Variants in LYRM4 observed in about 807,000 individuals in gnomAD.
LYRM4 encodes the protein LYR motif containing 4, also known as LYR motif-containing protein 4.
In LYRM4, 9 loss-of-function variants were observed where a neutral mutation model predicts 11.7. That is an observed-to-expected ratio of 0.77 (90% CI 0.46 to 1.34). The LOEUF (loss-of-function observed/expected upper bound fraction) is 1.34. LYRM4 is among the 40% of genes most tolerant of loss of function. LYRM4 has a pLI of 0.00. For synonymous variants in LYRM4, 42 were observed against 40.4 expected (o/e 1.04, Z -0.15); for missense variants, 133 against 112.5 (o/e 1.18, Z -0.82).
chr6:5,234,412 A>C (rs1763417783), intron 1 of LYRM4, among the ~76,000 whole-genome samples: 2 of 152,238 alleles, frequency 1.3e-5, no homozygotes, highest in African/African-American at 4.8e-5. Flanking sequence ...GATTCAAATC[A>C]AAACAGGACA....
rs546262125 is a variant in LYRM4, at chr6:5,245,319, C to T, written c.86+15329G>A. On this transcript the variant is annotated intron_variant, in intron 1 of 2. Transcript: ENST00000330636. ...TGACTGGGTCTGAACATGGCCGCCCCGGTAGTTCACCCAAATCCCTTTACT... is the reference window on the plus strand; with the variant it reads ...TGACTGGGTCTGAACATGGCCGCCCTGGTAGTTCACCCAAATCCCTTTACT... Among the ~76,000 whole-genome samples, 13 of 151,112 alleles carry T rather than the reference C, an allele frequency of 8.6e-5. No homozygotes were observed. In the South Asian group the frequency reaches 1.9e-3, roughly 22 times the overall value.
chr6:5,119,311 G>A (rs183964700), intron 2 of LYRM4, among the ~76,000 whole-genome samples: 4 of 152,204 alleles, frequency 2.6e-5, no homozygotes, highest in South Asian at 2.1e-4. Context: ...GTGCAAGAGC[G>A]TGCACTCTTC....
intron 1 of LYRM4, among the ~76,000 whole-genome samples, chr6:5,255,847 G>C (rs953478931): frequency 5.3e-5 from 8 of 152,124 alleles, no homozygotes; most frequent in Non-Finnish European, 1.0e-4. Context: ...AACGTCTTCA[G>C]ATATTGTCAA....
At chr6:5,118,742 A>T (rs749721163) in intron 2 of LYRM4, among the ~76,000 whole-genome samples, 1 of 152,154 alleles carries the variant, frequency 6.6e-6, no homozygotes, top group Non-Finnish European at 1.5e-5. Flanking sequence ...GGGACACATG[A>T]ATTTATGTCT....
chr6:5,075,471 A>G, the LYRM4 span, among the ~76,000 whole-genome samples: 1 of 152,160 alleles, frequency 6.6e-6, no homozygotes, highest in East Asian at 1.9e-4. Flanking sequence ...TTCACACTAT[A>G]CTTGGTAGGT....
At chr6:5,086,726 C>G in the LYRM4 span, 4 of 631,078 alleles carry the variant, frequency 6.3e-6, no homozygotes, top group Non-Finnish European at 8.2e-6. Flanking sequence ...ACTCGCACCC[C>G]CGCAGACAAG....
At chr6:5,256,146 T>C (rs1003504487) in intron 1 of LYRM4, among the ~76,000 whole-genome samples, 1 of 151,836 alleles carries the variant, frequency 6.6e-6, no homozygotes, top group African/African-American at 2.4e-5. Flanking sequence ...CTAGGGAACA[T>C]CAGAATTGAA....
chr6:5,117,213 C>T (rs73361338), intron 2 of LYRM4, among the ~76,000 whole-genome samples: 47 of 152,356 alleles, frequency 3.1e-4, no homozygotes, highest in African/African-American at 1.1e-3. Flanking sequence ...CAAGAGCCTG[C>T]TAAGCGTTAC....
chr6:5,253,716 C>T (rs577746716), intron 1 of LYRM4, among the ~76,000 whole-genome samples: 44 of 152,104 alleles, frequency 2.9e-4, no homozygotes, highest in African/African-American at 9.9e-4. Flanking sequence ...GGAAACTGAT[C>T]CTCTTACAAT....
chr6:5,235,174 G>A (rs775870222), intron 1 of LYRM4, among the ~76,000 whole-genome samples: 10 of 151,982 alleles, frequency 6.6e-5, no homozygotes, highest in Non-Finnish European at 1.0e-4. Flanking sequence ...ACGGACTCTC[G>A]TTCTGTTGCC....
intron 2 of LYRM4, among the ~76,000 whole-genome samples, chr6:5,169,457 A>G (rs1581425900): frequency 1.3e-5 from 2 of 152,366 alleles, no homozygotes. Context: ...AATGACGGCC[A>G]AGAGTATAGT....
the LYRM4 span, chr6:5,086,325 G>C: frequency 6.5e-7 from 1 of 1,535,748 alleles, no homozygotes; most frequent in African/African-American, 1.4e-5. Flanking sequence ...CAGAGGCACC[G>C]TCTGGGGCCT....
At chr6:5,083,425 T>C in the LYRM4 span, among the ~76,000 whole-genome samples, 12 of 152,310 alleles carry the variant, frequency 7.9e-5, no homozygotes, top group South Asian at 6.2e-4. Flanking sequence ...AGTCATGGAA[T>C]TCCACACTGG....
At chr6:5,147,991 T>C (rs368345739) in intron 2 of LYRM4, among the ~76,000 whole-genome samples, 17 of 152,106 alleles carry the variant, frequency 1.1e-4, no homozygotes, top group African/African-American at 3.6e-4. Context: ...TCTGTCTTCT[T>C]TCAGTTCCAG....
chr6:5,241,133 T>C (rs34774856), intron 1 of LYRM4, among the ~76,000 whole-genome samples: 1,580 of 152,136 alleles, frequency 0.01, 33 homozygotes, highest in African/African-American at 0.035. Flanking sequence ...GACAGTTAAA[T>C]AAGACAATGC....
At chr6:5,120,449 C>T (rs772593890) in intron 2 of LYRM4, among the ~76,000 whole-genome samples, 4 of 152,118 alleles carry the variant, frequency 2.6e-5, no homozygotes, top group Admixed American at 1.3e-4. Flanking sequence ...CAGACCTTTA[C>T]CGTGAGTGTT....
intron 2 of LYRM4, among the ~76,000 whole-genome samples, chr6:5,117,794 G>C (rs974826560): frequency 6.6e-5 from 10 of 152,182 alleles, no homozygotes; most frequent in African/African-American, 2.4e-4. Flanking sequence ...CTTGAGCCCA[G>C]GAGTTCGAGG....
chr6:5,246,374 G>C (rs1300765686), intron 1 of LYRM4, among the ~76,000 whole-genome samples: 1 of 152,190 alleles, frequency 6.6e-6, no homozygotes. Flanking sequence ...GGCTGGGTGA[G>C]ACCGTGCAGG....
chr6:5,084,595 C>T, the LYRM4 span: 3 of 152,196 alleles, frequency 2.0e-5, no homozygotes, highest in East Asian at 5.8e-4. Flanking sequence ...TCCGGCCGCT[C>T]TCGGCTGCGG....
Sources: gnomAD v4.1 joint callset for allele counts (sites outside exome capture counted in the v4.1 genomes callset) on GRCh38, gnomAD v4.1.1 for gene constraint, MANE v1.5 for transcripts, NCBI Gene and HGNC (gene_info 2026-07-23, HGNC 2026-07-21) for gene names.